The following SLC9A1 variants were observed in gnomAD, a reference collection of about 807,000 sequenced individuals.
SLC9A1 encodes the protein sodium/hydrogen exchanger 1.
In SLC9A1, 22 loss-of-function variants were observed where a neutral mutation model predicts 67.9. The ratio of observed to expected loss-of-function variants is 0.32; its 90% confidence interval spans 0.23 to 0.46. The LOEUF (loss-of-function observed/expected upper bound fraction) is 0.46, where lower values mean the gene tolerates loss of function less well. Ranked by LOEUF, SLC9A1 falls within the 20% of genes least tolerant of loss-of-function variation. SLC9A1 has a pLI of 1.00. For missense variants in SLC9A1, 686 were observed against 1,094.8 expected, an observed-to-expected ratio of 0.63 and a Z score of 5.27; for synonymous variants, 421 against 471.8, an observed-to-expected ratio of 0.89 and a Z score of 1.40.
intron 2 of SLC9A1, among the ~76,000 whole-genome samples, chr1:27,112,939 G>A (rs186822302): frequency 3.3e-5 from 5 of 150,058 alleles, no homozygotes; most frequent in Admixed American, 6.6e-5. Context: ...ATTTGCTTAA[G>A]GTCACACAGC....
At chr1:27,149,679 G>T (rs777317913) in intron 1 of SLC9A1, among the ~76,000 whole-genome samples, 3 of 152,226 alleles carry the variant, frequency 2.0e-5, no homozygotes, top group Non-Finnish European at 2.9e-5. Context: ...CCCACGTTCA[G>T]CCTCTACGTT....
intron 1 of SLC9A1, among the ~76,000 whole-genome samples, chr1:27,131,947 A>AAAAAAAAAAAAAAAAAAATATATAT: frequency 1.9e-5 from 1 of 52,122 alleles, no homozygotes; most frequent in African/African-American, 6.4e-5. Context: ...AGAAAAAAAA[A>AAAAAAAAAAAAAAAAAAATATATAT]ATATATATAT....
chr1:27,116,287 G>A (rs542081546), intron 1 of SLC9A1, among the ~76,000 whole-genome samples: 1 of 152,156 alleles, frequency 6.6e-6, no homozygotes, highest in East Asian at 1.9e-4. Flanking sequence ...TTGAACACAG[G>A]AGGTAGAAGT....
intron 2 of SLC9A1, among the ~76,000 whole-genome samples, chr1:27,113,498 A>G (rs2083244695): frequency 1.3e-5 from 2 of 152,164 alleles, no homozygotes; most frequent in Non-Finnish European, 2.9e-5. Flanking sequence ...GGAGCATATA[A>G]CCTAGCAAAA....
chr1:27,112,841 G>A (rs1039593338), intron 2 of SLC9A1, among the ~76,000 whole-genome samples: 11 of 141,224 alleles, frequency 7.8e-5, no homozygotes, highest in South Asian at 2.2e-4. Context: ...CTGAGCTTGC[G>A]TCACTGCACT....
intron 1 of SLC9A1, among the ~76,000 whole-genome samples, chr1:27,140,467 T>C (rs954151560): frequency 7.9e-5 from 12 of 152,190 alleles, no homozygotes; most frequent in African/African-American, 2.9e-4. Flanking sequence ...CTCCAGTGCT[T>C]GACCCCACCC....
At position 27,154,500 on chromosome 1, in the gene SLC9A1, A is replaced by C. The variant is rs1475160163; in HGVS notation, c.-166T>G. ...GAAGCAATTTTCTGGGGGTGGAGGG[A>C]GGCTGGGTTTGCAATCTGGAACTCC... is the stretch of plus-strand genomic sequence containing the variant. On this transcript the variant is annotated 5_prime_UTR_variant, in exon 1 of 12. Transcript: ENST00000263980. The C allele has an allele frequency of 1.1e-5, 6 of 527,462 alleles. No individual in the cohort carries two copies. Among genetic ancestry groups the C allele is most frequent in the Non-Finnish European group, 2.0e-5 (6 of 302,694 alleles). 32.7% of individuals were successfully genotyped at this position (527,462 alleles called of 1,614,324 possible).
chr1:27,104,359 G>T (rs2083169403), intron 5 of SLC9A1, among the ~76,000 whole-genome samples: 1 of 152,106 alleles, frequency 6.6e-6, no homozygotes, highest in South Asian at 2.1e-4. Context: ...TGGGATTACA[G>T]GCATGAGCCA....
rs142621488 is a variant in SLC9A1, at chr1:27,146,371, C to T, written c.352+7612G>A. ...CTTCACAGTGGGACTTGGAGTGGGT[C>T]AGCTTTTTCCCCAAACCCAAGAAGT... is the stretch of plus-strand genomic sequence containing the variant. On this transcript the variant is annotated intron_variant, in intron 1 of 11. Transcript: ENST00000263980. 2.4e-4 allele frequency among the ~76,000 whole-genome samples: 36 copies of T among 152,310 alleles called. No homozygotes were observed. The East Asian group carries it at 6.2e-3, about 26-fold the overall frequency.
At chr1:27,147,299 C>CAAAAAAAAAAAAAAAAAAAAAAAAAAA (rs57583944) in intron 1 of SLC9A1, among the ~76,000 whole-genome samples, 1 of 43,958 alleles carries the variant, frequency 2.3e-5, no homozygotes, top group African/African-American at 1.0e-4. Flanking sequence ...GACTCTGTCT[C>CAAAAAAAAAAAAAAAAAAAAAAAAAAA]AAAAAAAAAA....
rs575126181 is a variant in SLC9A1 at position 27,142,616 on chromosome 1, C to G, written c.352+11367G>C. 2.6e-5 allele frequency among the ~76,000 whole-genome samples: 4 copies of G among 152,286 alleles called. No individual in the cohort carries two copies. In the South Asian group the frequency reaches 8.3e-4, roughly 32 times the overall value. On this transcript the variant is annotated intron_variant, in intron 1 of 11. Coordinates refer to ENST00000263980, the MANE Select transcript of SLC9A1 (RefSeq NM_003047.5). ...CAGAGCCTCAGAGGTGTGCCTGGGCCCTAGCCGCTTTAGGGAAATGGGCAG... is the reference window on the plus strand; with the variant it reads ...CAGAGCCTCAGAGGTGTGCCTGGGCGCTAGCCGCTTTAGGGAAATGGGCAG...
chr1:27,142,347 T>C (rs940472426), intron 1 of SLC9A1, among the ~76,000 whole-genome samples: 1 of 152,170 alleles, frequency 6.6e-6, no homozygotes, highest in African/African-American at 2.4e-5. Context: ...TCAAAACATC[T>C]CCATTTCCCT....
intron 1 of SLC9A1, among the ~76,000 whole-genome samples, chr1:27,125,901 C>G (rs951209488): frequency 2.6e-5 from 4 of 152,104 alleles, no homozygotes; most frequent in Non-Finnish European, 4.4e-5. Context: ...AAGAGTGAAG[C>G]TTTTTAAGAG....
rs2083189010 is a variant in SLC9A1, at chr1:27,106,934, C to T, written c.1282+714G>A. Among the ~76,000 whole-genome samples the T allele has an allele frequency of 2.6e-5, 4 of 151,862 alleles. No individual in the cohort carries two copies. The highest frequency in any genetic ancestry group is 2.6e-4 in the Admixed American group (4 of 15,264). On this transcript the variant is annotated intron_variant, in intron 4 of 11. Transcript: ENST00000263980. This position sits in a 1 kb window ranked among gnomAD's most constrained non-coding sequence, Gnocchi z 4.3. The stretch of plus-strand genomic sequence containing the variant: ...GCCCCCTCACTTTGACACAGCCTGA[C>T]TCTGTCCCCAGAGACCACAGCCTTG...
rs1295994914 is a variant in SLC9A1, at chr1:27,118,405, G to A, written c.353-4119C>T. 6.6e-6 allele frequency among the ~76,000 whole-genome samples: 1 copy of A among 152,206 alleles called. No individual in the cohort carries two copies. The highest frequency in any genetic ancestry group is 1.9e-4 in the East Asian group (1 of 5,190). On this transcript the variant is annotated intron_variant, in intron 1 of 11. Transcript: ENST00000263980. The surrounding 1 kb of genome is among the most constrained non-coding windows in gnomAD (Gnocchi z 4.3). ...CCTTCAGGAGCAACGGCTCAGGGAA[G>A]TGGGAAGCAGCCCCTGGACCTGCGC...
rs1215651352 is a variant in SLC9A1 at position 27,155,125 on chromosome 1, T to C, written c.-791A>G. On this transcript the variant is annotated 5_prime_UTR_variant, in exon 1 of 12. Coordinates refer to ENST00000263980, the MANE Select transcript of SLC9A1 (RefSeq NM_003047.5). The surrounding 1 kb of genome is among the most constrained non-coding windows in gnomAD (Gnocchi z 4.5). ...AGCCCCGGCCCCGGCGGCAGCAGAC[T>C]GAAGCCTAGCTGAGCCCGGCGCTGT... Among the ~76,000 whole-genome samples, 1 of 151,988 alleles carries C rather than the reference T, an allele frequency of 6.6e-6. No homozygotes were observed.
intron 1 of SLC9A1, among the ~76,000 whole-genome samples, chr1:27,134,815 C>A (rs987008912): frequency 6.6e-6 from 1 of 152,224 alleles, no homozygotes; most frequent in African/African-American, 2.4e-5. Flanking sequence ...CGGCTCACTG[C>A]AACCTCTGCC....
chr1:27,131,105 T>A (rs1040631420), intron 1 of SLC9A1, among the ~76,000 whole-genome samples: 1 of 152,198 alleles, frequency 6.6e-6, no homozygotes, highest in African/African-American at 2.4e-5. Context: ...AAGGTGTACA[T>A]GCCTCCCTCC....
At chr1:27,146,101 C>T (rs535419101) in intron 1 of SLC9A1, among the ~76,000 whole-genome samples, 2 of 152,240 alleles carry the variant, frequency 1.3e-5, no homozygotes, top group African/African-American at 2.4e-5. Flanking sequence ...GCAGGGGGAG[C>T]GAGTGCTGCA....
Sources: gnomAD v4.1 joint callset for allele counts (sites outside exome capture counted in the v4.1 genomes callset) on GRCh38, gnomAD v4.1.1 for gene constraint, Gnocchi (gnomAD v3.1) non-coding constraint, MANE v1.5 for transcripts, NCBI Gene and HGNC (gene_info 2026-07-23, HGNC 2026-07-21) for gene names.